GSE1: variants seen among roughly 807,000 people sequenced by gnomAD.
GSE1 encodes Gse1 coiled-coil protein, also known as genetic suppressor element 1.
Under a neutral mutation model 112.6 loss-of-function variants are expected in GSE1, and 32 were observed. That is an observed-to-expected ratio of 0.28 (90% CI 0.21 to 0.38). GSE1 has a LOEUF of 0.38. Among genes scored for constraint, GSE1 ranks in the 10% least tolerant of loss-of-function variants. The pLI, the probability that GSE1 is intolerant of heterozygous loss-of-function variation, is 1.00. For synonymous variants in GSE1, 1,115 were observed against 735.6 expected (o/e 1.52, Z -8.35); for missense variants, 2,348 against 1,699.2 (o/e 1.38, Z -6.71).
At chr16:85,614,557 G>A (rs910891314) in intron 1 of GSE1, among the ~76,000 whole-genome samples, 1 of 152,186 alleles carries the variant, frequency 6.6e-6, no homozygotes, top group African/African-American at 2.4e-5. Context: ...TTAGATGGGG[G>A]AGTGGAGGCT....
chr16:85,276,752 C>A (rs898491923), intron 1 of GSE1, among the ~76,000 whole-genome samples: 1 of 152,190 alleles, frequency 6.6e-6, no homozygotes. Flanking sequence ...GGACCTCGCT[C>A]GTGGCCCAGC....
Position 85,655,737 on chromosome 16 carries a change from C to T in GSE1, c.809C>T (p.Ser270Phe). ...TCTTCTCTGCACAGGATGGACGACT[C>T]CTACTGCCTGTCTGCCCTGAGGTCC... is the stretch of plus-strand genomic sequence containing the variant. The part of the protein sequence containing the change: ...FPHPAFRMDD[S>F]YCLSALRSPF... Residue 270 changes from serine (S) to phenylalanine (F), a missense_variant, in exon 6 of 16, where the codon TCC becomes TTC. Transcript: ENST00000253458. 6.2e-7 allele frequency: 1 copy of T among 1,604,192 alleles called. No homozygotes were observed. The highest frequency in any genetic ancestry group is 8.5e-7 in the Non-Finnish European group (1 of 1,175,254).
At position 85,672,875 on chromosome 16, in the gene GSE1, CT is replaced by C. The variant is rs1017358520; in HGVS notation, c.*337del. The C allele has an allele frequency of 1.7e-5, 3 of 179,410 alleles. No individual in the cohort carries two copies. The South Asian group carries it at 4.2e-4, about 25-fold the overall frequency. The allele number at this position is 179,410 out of a possible 1,614,324, so 11.1% of individuals were successfully genotyped here. On this transcript the variant is annotated 3_prime_UTR_variant, in exon 16 of 16. Transcript: ENST00000253458. ...CTAAAACTTGATCATTAACAGCCCC[CT>C]GTGCATATGAGTGGATCAAACCGGT... is the stretch of plus-strand genomic sequence containing the variant.
intron 1 of GSE1, among the ~76,000 whole-genome samples, chr16:85,304,801 A>G (rs1419444566): frequency 6.6e-6 from 1 of 152,200 alleles, no homozygotes; most frequent in Non-Finnish European, 1.5e-5. Context: ...CTCTGCAGCC[A>G]CAGAATGACT....
chr16:85,347,261 C>T (rs892011753), intron 1 of GSE1, among the ~76,000 whole-genome samples: 2 of 152,096 alleles, frequency 1.3e-5, no homozygotes, highest in African/African-American at 2.4e-5. Flanking sequence ...CGTGGTGAGC[C>T]GGTCTGAGCT....
chr16:85,484,727 C>T (rs1358111765), intron 2 of GSE1, among the ~76,000 whole-genome samples: 1 of 152,244 alleles, frequency 6.6e-6, no homozygotes, highest in Non-Finnish European at 1.5e-5. Flanking sequence ...CGACTCAAAA[C>T]CAGGGCCCTG....
chr16:85,351,549 G>A (rs2046850534), intron 1 of GSE1, among the ~76,000 whole-genome samples: 1 of 151,572 alleles, frequency 6.6e-6, no homozygotes, highest in African/African-American at 2.4e-5. Flanking sequence ...ATAGGGATGG[G>A]GGTTTCTTTT....
At chr16:85,639,874 A>G (rs527417639) in intron 2 of GSE1, among the ~76,000 whole-genome samples, 70 of 152,342 alleles carry the variant, frequency 4.6e-4, no homozygotes, top group African/African-American at 1.5e-3. Flanking sequence ...CCGTCTGCCA[A>G]GGCGGCCGGG....
At chr16:85,327,606 AAAAC>A (rs2046252916) in intron 1 of GSE1, among the ~76,000 whole-genome samples, 1 of 152,216 alleles carries the variant, frequency 6.6e-6, no homozygotes, top group African/African-American at 2.4e-5. Context: ...CTGTCTCAGA[AAAAC>A]AAAACAAAAC....
rs1339924858 is a variant in GSE1 at position 85,661,856 on chromosome 16, C to T, written c.2260+91C>T. 2.3e-5 allele frequency: 30 copies of T among 1,295,178 alleles called. 1 individual carries two copies. In the South Asian group the frequency reaches 4.4e-4, roughly 19 times the overall value. The allele number at this position is 1,295,178 out of a possible 1,614,324, so 80.2% of individuals were successfully genotyped here. A position where few individuals can be genotyped will look rare whatever the true frequency, so the allele number is the denominator to read the frequency against. On this transcript the variant is annotated intron_variant, in intron 9 of 15. Transcript: ENST00000253458. ...TGCCAGCCACCTGCCCCTCTCCGTC[C>T]ACTCCTGCTTTTTGCCTGGGGTAGT...
upstream of GSE1, among the ~76,000 whole-genome samples, chr16:85,607,337 C>T (rs904445038): frequency 5.3e-5 from 8 of 152,244 alleles, no homozygotes; most frequent in African/African-American, 1.9e-4. Context: ...AGCCCCGACG[C>T]ACACGGCTTC....
intron 1 of GSE1, among the ~76,000 whole-genome samples, chr16:85,587,625 C>T (rs1206899175): frequency 1.3e-5 from 2 of 152,126 alleles, no homozygotes; most frequent in Admixed American, 6.5e-5. Context: ...GGTTTTGCCC[C>T]ATCACTGAGC....
chr16:85,235,781 C>T (rs1904571995), intron 1 of GSE1, among the ~76,000 whole-genome samples: 1 of 151,910 alleles, frequency 6.6e-6, no homozygotes, highest in South Asian at 2.1e-4. Flanking sequence ...GGGTGCCAGG[C>T]GGGCGAGGCG....
chr16:85,215,204 G>C (rs951129986), intron 1 of GSE1, among the ~76,000 whole-genome samples: 44 of 152,312 alleles, frequency 2.9e-4, no homozygotes, highest in African/African-American at 9.4e-4. Flanking sequence ...CCTGTGATTT[G>C]GGTCATTTAA....
chr16:85,644,561 C>T (rs1257309706), intron 2 of GSE1, among the ~76,000 whole-genome samples: 1 of 152,062 alleles, frequency 6.6e-6, no homozygotes, highest in Admixed American at 6.6e-5. Context: ...AGGAGCCAGG[C>T]GAGAAGGGCC....
chr16:85,541,302 CAA>C (rs2044509559), intron 2 of GSE1, among the ~76,000 whole-genome samples: 1 of 152,198 alleles, frequency 6.6e-6, no homozygotes, highest in Non-Finnish European at 1.5e-5. Flanking sequence ...ACACAGTCAA[CAA>C]AGAGTGCCAG....
chr16:85,590,100 T>G (rs1567621794), intron 1 of GSE1, among the ~76,000 whole-genome samples: 1 of 150,758 alleles, frequency 6.6e-6, no homozygotes, highest in East Asian at 1.9e-4. Flanking sequence ...AGGCGTGTGA[T>G]TGAACATTTG....
intron 2 of GSE1, among the ~76,000 whole-genome samples, chr16:85,474,265 C>T (rs1308850091): frequency 6.6e-6 from 1 of 152,074 alleles, no homozygotes; most frequent in Non-Finnish European, 1.5e-5. Context: ...TCAGTGCAGC[C>T]TCCACCCCGC....
intron 1 of GSE1, among the ~76,000 whole-genome samples, chr16:85,227,620 T>G (rs560963264): frequency 1.2e-4 from 18 of 152,232 alleles, no homozygotes; most frequent in African/African-American, 4.3e-4. Context: ...AGGTTGGGGC[T>G]GGATGCCGGG....
Sources: allele counts gnomAD v4.1 joint callset (sites outside exome capture counted in the v4.1 genomes callset), GRCh38; gene constraint gnomAD v4.1.1; transcripts MANE v1.5; gene names NCBI Gene and HGNC (gene_info 2026-07-23, HGNC 2026-07-21).